Variants in LRRC4C observed in about 807,000 individuals in gnomAD.
The protein encoded by LRRC4C is leucine-rich repeat-containing protein 4C.
LRRC4C carries 5 observed loss-of-function variants against 33.6 expected under a neutral mutation model. That is an observed-to-expected ratio of 0.15 (90% CI 0.08 to 0.31). LRRC4C has a LOEUF of 0.31. Among genes scored for constraint, LRRC4C ranks in the 10% least tolerant of loss-of-function variants. LRRC4C has a pLI of 1.00. For missense variants in LRRC4C, 560 were observed against 796.7 expected (o/e 0.70, Z 3.58); for synonymous variants, 329 against 302.0 (o/e 1.09, Z -0.93).
chr11:40,867,432 T>C (rs141389545), intron 2 of LRRC4C, among the ~76,000 whole-genome samples: 335 of 152,308 alleles, frequency 2.2e-3, no homozygotes, highest in Non-Finnish European at 3.8e-3. Context: ...GAAGGCTAAA[T>C]GAGAAACATA....
Position 40,713,645 on chromosome 11 carries a change from G to C in LRRC4C, c.-406-65367C>G, listed in dbSNP as rs567327314. 5.3e-5 allele frequency among the ~76,000 whole-genome samples: 8 copies of C among 152,288 alleles called. No individual in the cohort carries two copies. The South Asian group carries it at 1.7e-3, about 32-fold the overall frequency. On this transcript the variant is annotated intron_variant, in intron 2 of 6. Transcript: ENST00000528697. ...TACAGAGAAGTCAGGCTATAATAGA[G>C]TATTTTAAAATGACAATCTGAGTAA... is the stretch of plus-strand genomic sequence containing the variant.
intron 1 of LRRC4C, among the ~76,000 whole-genome samples, chr11:41,307,031 A>G (rs1950523643): frequency 6.6e-6 from 1 of 152,236 alleles, no homozygotes; most frequent in African/African-American, 2.4e-5. Context: ...AACAGTAACT[A>G]CAAATGTAAT....
At chr11:40,139,696 T>TG (rs1857232141) in intron 6 of LRRC4C, among the ~76,000 whole-genome samples, 1 of 152,196 alleles carries the variant, frequency 6.6e-6, no homozygotes, top group South Asian at 2.1e-4. Context: ...GCAGCACAGC[T>TG]GGAAAAACAA....
chr11:41,312,723 C>T (rs1950677148), intron 1 of LRRC4C, among the ~76,000 whole-genome samples: 1 of 152,166 alleles, frequency 6.6e-6, no homozygotes, highest in Non-Finnish European at 1.5e-5. Flanking sequence ...TTTTTCATGA[C>T]CTCATTGGTC....
intron 1 of LRRC4C, among the ~76,000 whole-genome samples, chr11:41,260,574 A>T (rs1022615440): frequency 9.2e-5 from 14 of 151,832 alleles, no homozygotes; most frequent in African/African-American, 3.4e-4. Context: ...ACAGGAAAAA[A>T]TATATATAAT....
At chr11:40,788,936 C>CA (rs1302856327) in intron 2 of LRRC4C, among the ~76,000 whole-genome samples, 6 of 151,580 alleles carry the variant, frequency 4.0e-5, no homozygotes, top group African/African-American at 1.2e-4. Context: ...ACTAAAAATA[C>CA]AAAAAAATTA....
rs1047213076 is a variant in LRRC4C at position 41,055,602 on chromosome 11, A to G, written c.-495-121879T>C. On this transcript the variant is annotated intron_variant, in intron 1 of 6. Coordinates refer to ENST00000528697, the MANE Select transcript of LRRC4C (RefSeq NM_001258419.2). ...TCCTAATGAGGTTGATTTATACATC[A>G]ACTCTTGTTGCATCCAGACAGCTAG... Among the ~76,000 whole-genome samples the G allele has an allele frequency of 3.9e-5, 6 of 152,282 alleles. No individual in the cohort carries two copies. The East Asian group carries it at 1.2e-3, about 29-fold the overall frequency.
At chr11:40,830,422 C>T (rs1952360759) in intron 2 of LRRC4C, among the ~76,000 whole-genome samples, 1 of 152,058 alleles carries the variant, frequency 6.6e-6, no homozygotes, top group Non-Finnish European at 1.5e-5. Flanking sequence ...ACTCTACGCT[C>T]CTTTGTGTCA....
intron 3 of LRRC4C, among the ~76,000 whole-genome samples, chr11:40,404,789 G>T (rs1297304928): frequency 6.6e-6 from 1 of 152,004 alleles, no homozygotes; most frequent in Non-Finnish European, 1.5e-5. Context: ...ATATCATGAT[G>T]TTGCAAATAC....
intron 5 of LRRC4C, among the ~76,000 whole-genome samples, chr11:40,221,295 T>C (rs911822528): frequency 2.0e-5 from 3 of 152,234 alleles, no homozygotes; most frequent in African/African-American, 7.2e-5. Context: ...TAATGATTTG[T>C]ATTTTTCTAA....
chr11:40,165,193 C>T (rs1345139991), intron 5 of LRRC4C, among the ~76,000 whole-genome samples: 2 of 151,998 alleles, frequency 1.3e-5, no homozygotes, highest in East Asian at 1.9e-4. Flanking sequence ...TATGTCTGCA[C>T]GTGTCTCTAT....
chr11:40,304,613 G>A (rs1349017976), intron 4 of LRRC4C, among the ~76,000 whole-genome samples: 1 of 152,124 alleles, frequency 6.6e-6, no homozygotes, highest in Non-Finnish European at 1.5e-5. Context: ...TCTAGTGAAA[G>A]AGGGTAAGAT....
At chr11:41,154,124 G>T (rs1944122085) in intron 1 of LRRC4C, among the ~76,000 whole-genome samples, 2 of 152,142 alleles carry the variant, frequency 1.3e-5, no homozygotes, top group South Asian at 4.1e-4. Flanking sequence ...GTTGTTTCAA[G>T]AAACCAAGTT....
intron 1 of LRRC4C, among the ~76,000 whole-genome samples, chr11:41,370,207 G>T (rs1591369661): frequency 6.6e-6 from 1 of 151,912 alleles, no homozygotes; most frequent in Admixed American, 6.6e-5. Flanking sequence ...TTGGGATAGG[G>T]TCTCACTCTA....
chr11:41,159,400 G>A (rs1944369515), intron 1 of LRRC4C, among the ~76,000 whole-genome samples: 1 of 152,036 alleles, frequency 6.6e-6, no homozygotes, highest in African/African-American at 2.4e-5. Context: ...AGCTGAAGGA[G>A]GAAGCAACAT....
Position 40,307,331 on chromosome 11 carries a change from T to C in LRRC4C, c.-176+12297A>G, listed in dbSNP as rs566551898. 1.2e-3 allele frequency among the ~76,000 whole-genome samples: 187 copies of C among 152,318 alleles called. 1 individual carries two copies. Among genetic ancestry groups the C allele is most frequent in the Non-Finnish European group, 7.8e-4 (53 of 68,018 alleles). ...TTTGAATGATTGGGAGAAATTTGCA[T>C]GTTCCCTATTCCCCAGCATAATCAA... On this transcript the variant is annotated intron_variant, in intron 4 of 6. Coordinates refer to ENST00000528697, the MANE Select transcript of LRRC4C (RefSeq NM_001258419.2).
At chr11:40,375,534 TC>T (rs1948624355) in intron 3 of LRRC4C, among the ~76,000 whole-genome samples, 1 of 152,138 alleles carries the variant, frequency 6.6e-6, no homozygotes, top group Non-Finnish European at 1.5e-5. Context: ...TTTGCCAAGG[TC>T]TAACATTTTG....
chr11:41,221,555 T>C (rs554853312), intron 1 of LRRC4C, among the ~76,000 whole-genome samples: 1 of 152,116 alleles, frequency 6.6e-6, no homozygotes, highest in South Asian at 2.1e-4. Flanking sequence ...ACTAGCTATA[T>C]ACCCAAAGGA....
intron 1 of LRRC4C, among the ~76,000 whole-genome samples, chr11:40,939,543 G>A (rs1043925728): frequency 3.9e-5 from 6 of 151,968 alleles, no homozygotes; most frequent in Admixed American, 3.3e-4. Context: ...TTAACTGCCC[G>A]CTCGGTTTTA....
Sources: allele counts gnomAD v4.1 joint callset (sites outside exome capture counted in the v4.1 genomes callset), GRCh38; gene constraint gnomAD v4.1.1; transcripts MANE v1.5; gene names NCBI Gene and HGNC (gene_info 2026-07-23, HGNC 2026-07-21).